MEIS1: variants seen among roughly 807,000 people sequenced by gnomAD.
MEIS1 encodes the protein homeobox protein Meis1.
In MEIS1, 5 loss-of-function variants were observed where a neutral mutation model predicts 50.8. The observed-to-expected ratio is 0.10, with a 90% CI of 0.05 to 0.21. MEIS1 has a LOEUF of 0.21. MEIS1 is among the 10% of genes least tolerant of loss of function. The probability of loss-of-function intolerance (pLI) is 1.00; values close to 1 mark genes in which losing one functional copy is unlikely to be tolerated. For synonymous variants in MEIS1, 176 were observed against 179.3 expected, an observed-to-expected ratio of 0.98 and a Z score of 0.15; for missense variants, 318 against 517.3, an observed-to-expected ratio of 0.61 and a Z score of 3.74.
intron 8 of MEIS1, among the ~76,000 whole-genome samples, chr2:66,525,248 C>T (rs932339879): frequency 6.6e-6 from 1 of 151,966 alleles, no homozygotes; most frequent in African/African-American, 2.4e-5. Context: ...AACAAACAAA[C>T]AAAAACAGTG....
At position 66,437,974 on chromosome 2, in the gene MEIS1, T is replaced by C; in HGVS notation, c.239+11T>C. 1 of 1,554,428 alleles carries C rather than the reference T, an allele frequency of 6.4e-7. No individual in the cohort carries two copies. Among genetic ancestry groups the C allele is most frequent in the South Asian group, 1.2e-5 (1 of 84,192 alleles). Reference sequence around the variant, plus strand: ...AGATGCCATTTATGGGTAGGTACAATGGGCAGCAGGTTAAGTAGTTGAGAC... The same window carrying C: ...AGATGCCATTTATGGGTAGGTACAACGGGCAGCAGGTTAAGTAGTTGAGAC... On this transcript the variant is annotated intron_variant, in intron 2 of 12. Coordinates refer to ENST00000272369, the MANE Select transcript of MEIS1 (RefSeq NM_002398.3).
rs1460494585 is a variant in MEIS1 at position 66,488,184 on chromosome 2, T to C, written c.742+23964T>C. Among the ~76,000 whole-genome samples the C allele has an allele frequency of 2.6e-5, 4 of 152,228 alleles. No individual in the cohort carries two copies. The East Asian group carries it at 7.7e-4, about 29-fold the overall frequency. On this transcript the variant is annotated intron_variant, in intron 7 of 12. Coordinates refer to ENST00000272369, the MANE Select transcript of MEIS1 (RefSeq NM_002398.3). ...TTAACTATTTGTCTTCTGCTTTTTTTCTCCAGTATACTTTATCTATGCTGA... is the reference window on the plus strand; with the variant it reads ...TTAACTATTTGTCTTCTGCTTTTTTCCTCCAGTATACTTTATCTATGCTGA...
At chr2:66,502,959 G>A (rs756722232) in intron 7 of MEIS1, among the ~76,000 whole-genome samples, 2 of 152,174 alleles carry the variant, frequency 1.3e-5, no homozygotes, top group Non-Finnish European at 2.9e-5. Flanking sequence ...ATCCACAACT[G>A]GCTTCTATGC....
chr2:66,510,467 A>G (rs1673799749), intron 7 of MEIS1, among the ~76,000 whole-genome samples: 2 of 152,222 alleles, frequency 1.3e-5, no homozygotes, highest in African/African-American at 4.8e-5. Context: ...ATCTTTTCCA[A>G]GTGAACACAA....
At chr2:66,480,548 A>C (rs1464742585) in intron 7 of MEIS1, among the ~76,000 whole-genome samples, 2 of 152,228 alleles carry the variant, frequency 1.3e-5, no homozygotes, top group African/African-American at 4.8e-5. Flanking sequence ...TTAATAATGC[A>C]GAATATATTT....
In MEIS1 at chr2:66,559,554, A is replaced by T. The variant is rs11901037; in HGVS notation, c.966-7899A>T. ...GGAAAAATTGGAATTTAAATGAAAA[A>T]TGGTTCATCTATTAAACTAAAGAGA... On this transcript the variant is annotated intron_variant, in intron 9 of 12. Coordinates refer to ENST00000272369, the MANE Select transcript of MEIS1 (RefSeq NM_002398.3). 8.2e-3 allele frequency among the ~76,000 whole-genome samples: 1,251 copies of T among 152,308 alleles called. 25 individuals carry two copies. Among genetic ancestry groups the T allele is most frequent in the African/African-American group, 0.028 (1,182 of 41,552 alleles).
chr2:66,501,346 G>A (rs1428014519), intron 7 of MEIS1, among the ~76,000 whole-genome samples: 1 of 152,026 alleles, frequency 6.6e-6, no homozygotes, highest in Non-Finnish European at 1.5e-5. Context: ...TAATGTAAAT[G>A]TATAGATTTC....
At position 66,530,609 on chromosome 2, in the gene MEIS1, G is replaced by A. The variant is rs529794743; in HGVS notation, c.889-17334G>A. On this transcript the variant is annotated intron_variant, in intron 8 of 12. Coordinates refer to ENST00000272369, the MANE Select transcript of MEIS1 (RefSeq NM_002398.3). ...CAGGCACCTGTAGTCCCAGCTACTC[G>A]GGAGGCTGAGGCAGGAGAATGGCGT... is the stretch of plus-strand genomic sequence containing the variant. 3.2e-4 allele frequency among the ~76,000 whole-genome samples: 48 copies of A among 152,072 alleles called. 1 individual carries two copies. Among genetic ancestry groups the A allele is most frequent in the Non-Finnish European group, 5.7e-4 (39 of 68,018 alleles).
At position 66,438,027 on chromosome 2, in the gene MEIS1, T is replaced by C; in HGVS notation, c.239+64T>C. ...AACGCTTCCCTCTTTCTCTGTGCCC[T>C]TGGTAAGAGGAAAGTCAGAGTTCTC... is the stretch of plus-strand genomic sequence containing the variant. On this transcript the variant is annotated intron_variant, in intron 2 of 12. Coordinates refer to ENST00000272369, the MANE Select transcript of MEIS1 (RefSeq NM_002398.3). 5.1e-6 allele frequency: 7 copies of C among 1,372,472 alleles called. 1 individual carries two copies. In the South Asian group the frequency reaches 8.3e-5, roughly 16 times the overall value. The allele number at this position is 1,372,472 out of a possible 1,614,324, so 85.0% of individuals were successfully genotyped here. A position where few individuals can be genotyped will look rare whatever the true frequency, so the allele number is the denominator to read the frequency against.
chr2:66,528,581 T>G (rs1674313830), intron 8 of MEIS1, among the ~76,000 whole-genome samples: 1 of 152,108 alleles, frequency 6.6e-6, no homozygotes, highest in South Asian at 2.1e-4. Context: ...TGCTCATCCC[T>G]GAGTCCCATC....
At chr2:66,514,137 C>T (rs1194348490) in intron 8 of MEIS1, among the ~76,000 whole-genome samples, 2 of 152,186 alleles carry the variant, frequency 1.3e-5, no homozygotes, top group African/African-American at 2.4e-5. Flanking sequence ...TAGATTTCTT[C>T]AGCCCCCATC....
intron 7 of MEIS1, among the ~76,000 whole-genome samples, chr2:66,491,857 T>C (rs1673282326): frequency 6.6e-6 from 1 of 152,076 alleles, no homozygotes; most frequent in South Asian, 2.1e-4. Context: ...TATTGCATGA[T>C]ATAAGGACAG....
chr2:66,438,067 A>C, intron 2 of MEIS1, 104 bp downstream of exon 2: 1 of 1,049,972 alleles, frequency 9.5e-7, no homozygotes, highest in Non-Finnish European at 1.4e-6. Context: ...TTGGAGGTAC[A>C]TCTTTGGTGA....
At chr2:66,533,549 A>C (rs1349643385) in intron 8 of MEIS1, among the ~76,000 whole-genome samples, 1 of 152,168 alleles carries the variant, frequency 6.6e-6, no homozygotes, top group Non-Finnish European at 1.5e-5. Context: ...TTAAGTTAGA[A>C]TCTAGTAATT....
At chr2:66,497,821 G>T (rs980507516) in intron 7 of MEIS1, among the ~76,000 whole-genome samples, 1 of 152,166 alleles carries the variant, frequency 6.6e-6, no homozygotes, top group Admixed American at 6.5e-5. Flanking sequence ...CCTATTTTGT[G>T]TGGGAAATGA....
intron 6 of MEIS1, chr2:66,461,970 G>C (rs1672531224): frequency 7.0e-6 from 3 of 428,406 alleles, no homozygotes; most frequent in Admixed American, 3.1e-5. Flanking sequence ...AGAATAGAAT[G>C]TGGAAAATTG....
chr2:66,560,036 TC>T (rs1272808226), intron 9 of MEIS1, among the ~76,000 whole-genome samples: 2 of 150,964 alleles, frequency 1.3e-5, no homozygotes, highest in African/African-American at 4.9e-5. Flanking sequence ...GCTCAAATGA[TC>T]CTCCTGCCTT....
At chr2:66,462,361 C>T (rs1055771733) in intron 6 of MEIS1, among the ~76,000 whole-genome samples, 4 of 152,210 alleles carry the variant, frequency 2.6e-5, no homozygotes, top group Admixed American at 2.6e-4. Flanking sequence ...GGATCTCATG[C>T]ATCCTGAAAC....
rs1404215426 is a variant in MEIS1, at chr2:66,570,891, T to A, written c.*38-355T>A. 5 of 222,306 alleles carry A rather than the reference T, an allele frequency of 2.2e-5. No individual in the cohort carries two copies. In the East Asian group the frequency reaches 4.9e-4, roughly 22 times the overall value. The allele number at this position is 222,306 out of a possible 1,614,324, so 13.8% of individuals were successfully genotyped here. On this transcript the variant is annotated intron_variant, in intron 12 of 12. Transcript: ENST00000272369. The stretch of plus-strand genomic sequence containing the variant: ...CTGTGTAGTTCAGCTGCCTGTGAGA[T>A]GTTTGGTGACCAGCTCAGTGTATTC...
Sources: allele counts gnomAD v4.1 joint callset (sites outside exome capture counted in the v4.1 genomes callset), GRCh38; gene constraint gnomAD v4.1.1; transcripts MANE v1.5; gene names NCBI Gene and HGNC (gene_info 2026-07-23, HGNC 2026-07-21).